PLEKHG1: variants seen among roughly 807,000 people sequenced by gnomAD.
The protein encoded by PLEKHG1 is pleckstrin homology domain-containing family G member 1.
A neutral mutation model predicts 100.8 loss-of-function variants in PLEKHG1; 44 were observed. The observed-to-expected ratio is 0.44, with a 90% confidence interval of 0.34 to 0.56. PLEKHG1 has a LOEUF of 0.56. Among genes scored for constraint, PLEKHG1 ranks in the 20% least tolerant of loss-of-function variants. PLEKHG1 has a pLI of 0.01. For missense variants in PLEKHG1, 1,545 were observed against 1,720.9 expected (o/e 0.90, Z 1.81); for synonymous variants, 640 against 662.5 (o/e 0.97, Z 0.52).
At chr6:150,742,429 G>C (rs1454159935) in intron 2 of PLEKHG1, among the ~76,000 whole-genome samples, 1 of 152,086 alleles carries the variant, frequency 6.6e-6, no homozygotes. Flanking sequence ...GCCGAGTGTG[G>C]TGGTGTGCAC....
chr6:150,834,228 G>A (rs1262881026), intron 15 of PLEKHG1, among the ~76,000 whole-genome samples: 1 of 152,162 alleles, frequency 6.6e-6, no homozygotes, highest in Non-Finnish European at 1.5e-5. Flanking sequence ...AGTAATTCAA[G>A]TCCCTATTCT....
intron 3 of PLEKHG1, among the ~76,000 whole-genome samples, chr6:150,657,756 T>A (rs1779026194): frequency 6.6e-6 from 1 of 152,220 alleles, no homozygotes; most frequent in Non-Finnish European, 1.5e-5. Context: ...GGATGTCTCA[T>A]GTTCTTAACA....
chr6:150,656,202 G>A (rs1778964646), intron 3 of PLEKHG1, among the ~76,000 whole-genome samples: 1 of 152,054 alleles, frequency 6.6e-6, no homozygotes, highest in Non-Finnish European at 1.5e-5. Flanking sequence ...CTTCCTCATT[G>A]TAGACCCTTT....
At chr6:150,749,028 T>C (rs1310109557) in intron 2 of PLEKHG1, among the ~76,000 whole-genome samples, 3 of 152,160 alleles carry the variant, frequency 2.0e-5, no homozygotes, top group Non-Finnish European at 4.4e-5. Flanking sequence ...AGTAAGTTAA[T>C]GCACATGAAG....
intron 1 of PLEKHG1, among the ~76,000 whole-genome samples, chr6:150,628,931 C>T (rs1777627497): frequency 6.6e-6 from 1 of 152,108 alleles, no homozygotes; most frequent in African/African-American, 2.4e-5. Context: ...CATCCACGAG[C>T]AAGTGAGTGT....
At chr6:150,718,622 A>G (rs557538093), upstream of PLEKHG1, among the ~76,000 whole-genome samples, 40 of 152,108 alleles carry the variant, frequency 2.6e-4, no homozygotes, top group Non-Finnish European at 2.9e-4. Context: ...GGCATGCACC[A>G]CCACGTCTGG....
At chr6:150,837,130 C>A (rs968585348) in intron 15 of PLEKHG1, among the ~76,000 whole-genome samples, 1 of 152,158 alleles carries the variant, frequency 6.6e-6, no homozygotes, top group Non-Finnish European at 1.5e-5. Context: ...CCACTGCACT[C>A]CAGCCTGGGC....
At chr6:150,676,750 C>T (rs927101104) in intron 3 of PLEKHG1, among the ~76,000 whole-genome samples, 1 of 152,174 alleles carries the variant, frequency 6.6e-6, no homozygotes, top group Non-Finnish European at 1.5e-5. Context: ...AGAAAAAATA[C>T]TTAGTGACAG....
intron 2 of PLEKHG1, among the ~76,000 whole-genome samples, chr6:150,750,137 TATA>T (rs1396865621): frequency 6.6e-6 from 1 of 152,016 alleles, no homozygotes; most frequent in East Asian, 1.9e-4. Context: ...AAGAAAATAT[TATA>T]ATGTCTTTTG....
chr6:150,702,835 G>A (rs1780853600), intron 3 of PLEKHG1, among the ~76,000 whole-genome samples: 1 of 152,078 alleles, frequency 6.6e-6, no homozygotes, highest in African/African-American at 2.4e-5. Context: ...TGTTGCCTCA[G>A]GGCTGTTCTG....
At chr6:150,645,266 GGA>G (rs1778446713) in intron 2 of PLEKHG1, among the ~76,000 whole-genome samples, 1 of 152,092 alleles carries the variant, frequency 6.6e-6, no homozygotes, top group Non-Finnish European at 1.5e-5. Flanking sequence ...TTATCCTTAT[GGA>G]AAAAATGAAA....
In PLEKHG1 at chr6:150,728,119, C is replaced by T. The variant is rs532723324; in HGVS notation, c.-98-5465C>T. On this transcript the variant is annotated intron_variant, in intron 1 of 15. Transcript: ENST00000358517. ...ATAAGTGGAGTAAAAAACAAAAATGCAAACTTTGAGTTGTATGTATCTCTG... is the reference window on the plus strand; with the variant it reads ...ATAAGTGGAGTAAAAAACAAAAATGTAAACTTTGAGTTGTATGTATCTCTG... Among the ~76,000 whole-genome samples the T allele has an allele frequency of 1.5e-3, 230 of 152,238 alleles. No homozygotes were observed. In the Middle Eastern group the frequency reaches 0.024, roughly 16 times the overall value.
chr6:150,629,584 C>T (rs1777658337), intron 1 of PLEKHG1, among the ~76,000 whole-genome samples: 1 of 152,082 alleles, frequency 6.6e-6, no homozygotes, highest in Non-Finnish European at 1.5e-5. Flanking sequence ...CCTCAGTCTC[C>T]CAAGTAGCTG....
chr6:150,694,706 A>AT (rs1161125749), intron 3 of PLEKHG1, among the ~76,000 whole-genome samples: 213 of 151,814 alleles, frequency 1.4e-3, no homozygotes, highest in African/African-American at 4.2e-3. Context: ...TCAAAAAAAA[A>AT]AAAAATAAAA....
intron 1 of PLEKHG1, among the ~76,000 whole-genome samples, chr6:150,728,267 G>A (rs1782057919): frequency 1.3e-5 from 2 of 152,114 alleles, no homozygotes; most frequent in Non-Finnish European, 2.9e-5. Flanking sequence ...AACTACTTAT[G>A]TAATTTTTTA....
At chr6:150,763,044 T>TTTTTTTA (rs1784261257) in intron 2 of PLEKHG1, among the ~76,000 whole-genome samples, 2 of 146,146 alleles carry the variant, frequency 1.4e-5, no homozygotes, top group South Asian at 2.2e-4. Flanking sequence ...TTTTTTTTTT[T>TTTTTTTA]GAGACGGAGT....
intron 1 of PLEKHG1, among the ~76,000 whole-genome samples, chr6:150,624,039 C>T (rs1777414234): frequency 6.6e-6 from 1 of 152,200 alleles, no homozygotes; most frequent in Non-Finnish European, 1.5e-5. Flanking sequence ...CTTCTGGAAC[C>T]ATAGCGATGG....
At chr6:150,741,299 A>C (rs750583091) in intron 2 of PLEKHG1, among the ~76,000 whole-genome samples, 3 of 152,190 alleles carry the variant, frequency 2.0e-5, no homozygotes, top group Admixed American at 6.5e-5. Flanking sequence ...ACAAGAGTTC[A>C]TGTGTACTTT....
chr6:150,622,573 A>G (rs1269548707), intron 1 of PLEKHG1, among the ~76,000 whole-genome samples: 1 of 152,112 alleles, frequency 6.6e-6, no homozygotes, highest in East Asian at 1.9e-4. Flanking sequence ...GTAATAAGAC[A>G]ATACTCAGAT....
Sources: allele counts gnomAD v4.1 joint callset (sites outside exome capture counted in the v4.1 genomes callset), GRCh38; gene constraint gnomAD v4.1.1; transcripts MANE v1.5; gene names NCBI Gene and HGNC (gene_info 2026-07-23, HGNC 2026-07-21).